Variants in LGI1 observed in about 807,000 individuals in gnomAD.
LGI1 encodes leucine rich glioma inactivated 1.
Under a neutral mutation model 57.7 loss-of-function variants are expected in LGI1, and 11 were observed. The ratio of observed to expected loss-of-function variants is 0.19; its 90% CI spans 0.12 to 0.32. The LOEUF (loss-of-function observed/expected upper bound fraction) is 0.32, where lower values mean the gene tolerates loss of function less well. LGI1 is among the 10% of genes least tolerant of loss of function. The pLI, the probability that LGI1 is intolerant of heterozygous loss-of-function variation, is 1.00. For missense variants in LGI1, 422 were observed against 661.9 expected (o/e 0.64, Z 3.98); for synonymous variants, 222 against 241.9 (o/e 0.92, Z 0.76).
At chr10:93,780,978 C>T (rs1412726234) in intron 4 of LGI1, among the ~76,000 whole-genome samples, 1 of 152,190 alleles carries the variant, frequency 6.6e-6, no homozygotes, top group Non-Finnish European at 1.5e-5. Flanking sequence ...AAATTTAGTT[C>T]ACGCCTAAGA....
chr10:93,780,365 G>A (rs1413593722), intron 4 of LGI1: 6 of 152,164 alleles, frequency 3.9e-5, no homozygotes, highest in Middle Eastern at 6.8e-3. Context: ...TATTTATGGC[G>A]TATTAATAAA....
intron 7 of LGI1, among the ~76,000 whole-genome samples, chr10:93,795,604 C>G (rs1235851612): frequency 1.3e-5 from 2 of 152,168 alleles, no homozygotes; most frequent in African/African-American, 4.8e-5. Context: ...ATATATGCCC[C>G]ATACTCAGTC....
At chr10:93,759,041 A>C (rs753826990) in intron 2 of LGI1, 6 of 582,956 alleles carry the variant, frequency 1.0e-5, no homozygotes, top group Admixed American at 3.0e-5. Flanking sequence ...TTAACCTGTC[A>C]TGCTGTCTAC....
At chr10:93,762,188 G>C (rs529092125) in intron 2 of LGI1, among the ~76,000 whole-genome samples, 2 of 152,150 alleles carry the variant, frequency 1.3e-5, no homozygotes, top group African/African-American at 2.4e-5. Flanking sequence ...AACACTGCAC[G>C]TAAGAATCCG....
intron 2 of LGI1, among the ~76,000 whole-genome samples, chr10:93,774,595 C>T (rs1366866980): frequency 6.6e-6 from 1 of 152,140 alleles, no homozygotes; most frequent in Non-Finnish European, 1.5e-5. Flanking sequence ...TCGTCTTAGC[C>T]CAACTCACCT....
intron 5 of LGI1, 109 bp from the exon 6 acceptor site, chr10:93,792,634 A>G: frequency 8.8e-7 from 1 of 1,140,442 alleles, no homozygotes. Context: ...ATAGGGCAGG[A>G]TGCAACGCCG....
At chr10:93,762,873 A>G (rs904170166) in intron 2 of LGI1, 6 of 152,152 alleles carry the variant, frequency 3.9e-5, no homozygotes, top group African/African-American at 1.4e-4. Context: ...ACTCACCACA[A>G]TTGTTTTCTC....
intron 2 of LGI1, chr10:93,759,177 A>T: frequency 2.9e-6 from 1 of 345,502 alleles, no homozygotes; most frequent in South Asian, 2.6e-5. Context: ...GAATTAGTCA[A>T]TACAGAACCC....
At position 93,775,579 on chromosome 10, in the gene LGI1, A is replaced by G. The variant is rs183127127; in HGVS notation, c.288-1800A>G. Among the ~76,000 whole-genome samples, 335 of 152,342 alleles carry G rather than the reference A, an allele frequency of 2.2e-3. 1 individual carries two copies. The highest frequency in any genetic ancestry group is 0.01 in the Middle Eastern group (3 of 294). On this transcript the variant is annotated intron_variant, in intron 2 of 7. Coordinates refer to ENST00000371418, the MANE Select transcript of LGI1 (RefSeq NM_005097.4). ...CTCTTTGTCCAACAAATATTTATTC[A>G]GTGTCCACTAGAGGACAGGCGCTGT...
Position 93,758,095 on chromosome 10 carries a change from A to G in LGI1, c.-50A>G. 2.0e-6 allele frequency: 3 copies of G among 1,526,102 alleles called. No homozygotes were observed. Among genetic ancestry groups the G allele is most frequent in the African/African-American group, 2.7e-5 (2 of 73,228 alleles). 94.5% of individuals were successfully genotyped at this position (1,526,102 alleles called of 1,614,324 possible). ...CTGTTCTTAGAGCAAGACAATCACC[A>G]TCTGAATTCCAGAAGCCCTGTTCAT... On this transcript the variant is annotated 5_prime_UTR_variant, in exon 1 of 8. Transcript: ENST00000371418. The surrounding 1 kb of genome is among the most constrained non-coding windows in gnomAD (Gnocchi z 4.7).
intron 2 of LGI1, among the ~76,000 whole-genome samples, chr10:93,776,502 G>T (rs188261265): frequency 6.6e-6 from 1 of 152,016 alleles, no homozygotes; most frequent in South Asian, 2.1e-4. Context: ...CAGGTTCAGC[G>T]GTGAATTCAC....
At chr10:93,773,123 G>A (rs1187750172) in intron 2 of LGI1, among the ~76,000 whole-genome samples, 1 of 151,152 alleles carries the variant, frequency 6.6e-6, no homozygotes, top group Non-Finnish European at 1.5e-5. Flanking sequence ...CTCACAAAGC[G>A]TGTTCAAAAT....
At chr10:93,794,356 ATC>A (rs1286686464) in intron 7 of LGI1, among the ~76,000 whole-genome samples, 1 of 106,126 alleles carries the variant, frequency 9.4e-6, no homozygotes, top group African/African-American at 3.3e-5. Context: ...ACTTATCTGG[ATC>A]TCTCTTTTTT....
chr10:93,765,976 A>C (rs1365383824), intron 2 of LGI1, among the ~76,000 whole-genome samples: 1 of 151,752 alleles, frequency 6.6e-6, no homozygotes, highest in East Asian at 1.9e-4. Context: ...TCTCAAAAAA[A>C]AAAAAAAAAA....
intron 2 of LGI1, among the ~76,000 whole-genome samples, chr10:93,774,142 C>A (rs1020643859): frequency 6.6e-6 from 1 of 152,144 alleles, no homozygotes; most frequent in Non-Finnish European, 1.5e-5. Context: ...AGCAGAGACC[C>A]CTTGGTCACC....
At chr10:93,795,803 G>A (rs574003686) in intron 7 of LGI1, among the ~76,000 whole-genome samples, 1 of 152,304 alleles carries the variant, frequency 6.6e-6, no homozygotes, top group South Asian at 2.1e-4. Context: ...AAGTCTCATT[G>A]TACAGAAAAG....
At position 93,793,322 on chromosome 10, in the gene LGI1, G is replaced by T. The variant is rs1294053098; in HGVS notation, c.810G>T (p.Lys270Asn). The T allele has an allele frequency of 6.2e-7, 1 of 1,613,776 alleles. No individual in the cohort carries two copies. Among genetic ancestry groups the T allele is most frequent in the Non-Finnish European group, 8.5e-7 (1 of 1,179,890 alleles). The change falls in exon 7 of 8, where the codon AAG becomes AAT. Residue 270 changes from lysine to asparagine, a missense_variant. Coordinates refer to ENST00000371418, the MANE Select transcript of LGI1 (RefSeq NM_005097.4). ...TCCTTGAATGGGACCATGTGGAAAAGACCTTCCGGAATTATGACAACATTA... is the reference window on the plus strand; with the variant it reads ...TCCTTGAATGGGACCATGTGGAAAATACCTTCCGGAATTATGACAACATTA... ...CIFLEWDHVE[K>N]TFRNYDNITG...
intron 4 of LGI1, among the ~76,000 whole-genome samples, chr10:93,787,843 G>A (rs1293606761): frequency 1.3e-5 from 2 of 151,252 alleles, no homozygotes; most frequent in Admixed American, 6.6e-5. Flanking sequence ...GGACGTTGAG[G>A]CTGCATTAAG....
Position 93,793,233 on chromosome 10 carries a change from A to G in LGI1, c.721A>G (p.Thr241Ala). Residue 241 changes from threonine (T) to alanine (A), a missense_variant, in exon 7 of 8, where the codon ACT (threonine) becomes GCT (alanine). Thr to Ala is a moderately conservative substitution (Grantham distance 58). Coordinates refer to ENST00000371418, the MANE Select transcript of LGI1 (RefSeq NM_005097.4). ...DLPYQSLSID[T>A]FSYLNDEYVV... is the part of the protein sequence containing the mutation. ...GCCTTATCAATCATTGTCCATAGACACTTTTTCTTATTTGAATGATGAGTA... is the reference window on the plus strand; with the variant it reads ...GCCTTATCAATCATTGTCCATAGACGCTTTTTCTTATTTGAATGATGAGTA... 11 of 1,613,480 alleles carry G rather than the reference A, an allele frequency of 6.8e-6. No individual in the cohort carries two copies. Among genetic ancestry groups the G allele is most frequent in the Non-Finnish European group, 9.3e-6 (11 of 1,179,600 alleles).
Sources: gnomAD v4.1 joint callset for allele counts (sites outside exome capture counted in the v4.1 genomes callset) on GRCh38, gnomAD v4.1.1 for gene constraint, Gnocchi (gnomAD v3.1) non-coding constraint, MANE v1.5 for transcripts, NCBI Gene and HGNC (gene_info 2026-07-23, HGNC 2026-07-21) for gene names.